The following RINT1 variants were observed in gnomAD, a reference collection of about 807,000 sequenced individuals.
The protein encoded by RINT1 is RAD50-interacting protein 1.
RINT1 carries 75 observed loss-of-function variants against 97.7 expected under a neutral mutation model. The ratio of observed to expected loss-of-function variants is 0.77; its 90% CI spans 0.64 to 0.93. The LOEUF (loss-of-function observed/expected upper bound fraction) is 0.93. Among genes scored for constraint, RINT1 ranks in the 40% least tolerant of loss-of-function variants. The pLI is 0.00. For synonymous variants in RINT1, 303 were observed against 326.3 expected, an observed-to-expected ratio of 0.93 and a Z score of 0.77; for missense variants, 892 against 925.2, an observed-to-expected ratio of 0.96 and a Z score of 0.47.
intron 2 of RINT1, among the ~76,000 whole-genome samples, chr7:105,536,357 C>T (rs1790232870): frequency 6.6e-6 from 1 of 152,040 alleles, no homozygotes; most frequent in Admixed American, 6.6e-5. Context: ...CGGGATTTCG[C>T]CGTGTTTGCC....
At chr7:105,536,798 A>G in intron 3 of RINT1, 49 bp downstream of exon 3, 3 of 1,112,388 alleles carry the variant, frequency 2.7e-6, no homozygotes, top group Non-Finnish European at 3.7e-6. Context: ...TACTTTTAAC[A>G]ATATAATATA....
Position 105,532,209 on chromosome 7 carries a change from C to T in RINT1, c.-107C>T. 1 of 1,246,248 alleles carries T rather than the reference C, an allele frequency of 8.0e-7. No homozygotes were observed. The allele number at this position is 1,246,248 out of a possible 1,614,324, so 77.2% of individuals were successfully genotyped here. Reference sequence around the variant, plus strand: ...ATCGAGAGGAAGTCGCTGTGGCACTCAGTCCTACGGCCTCCGAGGCTGGGT... The same window carrying T: ...ATCGAGAGGAAGTCGCTGTGGCACTTAGTCCTACGGCCTCCGAGGCTGGGT... On this transcript the variant is annotated 5_prime_UTR_variant, in exon 1 of 15. Coordinates refer to ENST00000257700, the MANE Select transcript of RINT1 (RefSeq NM_021930.6).
chr7:105,548,444 CTGAG>C (rs1271187083), intron 6 of RINT1, 106 bp from the exon 7 acceptor site: 2 of 898,868 alleles, frequency 2.2e-6, no homozygotes, highest in Non-Finnish European at 1.8e-6. Context: ...ATTAACTCTA[CTGAG>C]TATCTGATAC....
chr7:105,547,438 A>T, intron 6 of RINT1, 105 bp downstream of exon 6: 1 of 1,150,118 alleles, frequency 8.7e-7, no homozygotes, highest in South Asian at 1.4e-5. Context: ...GCCAAATAAG[A>T]ATCCTGTGTT....
chr7:105,540,082 T>TC (rs1790396188), intron 3 of RINT1, among the ~76,000 whole-genome samples: 1 of 149,690 alleles, frequency 6.7e-6, no homozygotes, highest in African/African-American at 2.4e-5. Flanking sequence ...CCATTTTCTT[T>TC]TTTTTTTTTT....
chr7:105,550,606 G>T, intron 9 of RINT1, 120 bp downstream of exon 9: 1 of 717,360 alleles, frequency 1.4e-6, no homozygotes, highest in East Asian at 2.6e-5. Flanking sequence ...TTCCTTTTCA[G>T]GGTTTTCTGT....
rs770399483 is a variant in RINT1, at chr7:105,532,247, G to A, written c.-69G>A. The A allele has an allele frequency of 1.3e-6, 2 of 1,511,314 alleles. No homozygotes were observed. Among genetic ancestry groups the A allele is most frequent in the African/African-American group, 1.4e-5 (1 of 72,586 alleles). 93.6% of individuals were successfully genotyped at this position (1,511,314 alleles called of 1,614,324 possible). ...TCCGAGGCTGGGTAGTGAGTGTGTC[G>A]CTGGCCTTAGCCAGACTCCACAGGC... On this transcript the variant is annotated 5_prime_UTR_variant, in exon 1 of 15. Coordinates refer to ENST00000257700, the MANE Select transcript of RINT1 (RefSeq NM_021930.6).
At chr7:105,563,359 T>C (rs1342436200) in intron 11 of RINT1, among the ~76,000 whole-genome samples, 4 of 152,134 alleles carry the variant, frequency 2.6e-5, no homozygotes, top group African/African-American at 7.2e-5. Context: ...ATCATTGAAT[T>C]ATACACTATT....
At chr7:105,563,641 A>G (rs1586266579) in intron 11 of RINT1, 92 bp from the exon 12 acceptor site, 1 of 1,104,070 alleles carries the variant, frequency 9.1e-7, no homozygotes, top group Non-Finnish European at 1.3e-6. Flanking sequence ...CGAATTATAC[A>G]CTTTAAATGG....
At chr7:105,543,035 C>T (rs1401199285) in intron 4 of RINT1, among the ~76,000 whole-genome samples, 1 of 151,946 alleles carries the variant, frequency 6.6e-6, no homozygotes, top group African/African-American at 2.4e-5. Context: ...CAGGCGCCCG[C>T]CACCATGCCT....
chr7:105,551,260 T>C (rs1374710516), intron 9 of RINT1, among the ~76,000 whole-genome samples: 1 of 152,124 alleles, frequency 6.6e-6, no homozygotes, highest in Non-Finnish European at 1.5e-5. Context: ...TGTGAACTCC[T>C]AGACTCAAGC....
At chr7:105,547,718 CTTTT>C (rs34938925) in intron 6 of RINT1, among the ~76,000 whole-genome samples, 8 of 116,178 alleles carry the variant, frequency 6.9e-5, no homozygotes, top group Non-Finnish European at 1.0e-4. Context: ...CATTTTTGTG[CTTTT>C]TTTTTTTTTT....
chr7:105,567,119 T>C lies in RINT1; in HGVS notation c.2187T>C (p.His729=), dbSNP rs928088575. ...YCKRPENYFK[H]IKEACIVLNL... is the part of the protein sequence containing the mutation. ...TCCCTCCTTTGTTTTCCCTAAACAG[T>C]ATAAAAGAAGCCTGTATTGTTTTGA... The change falls in exon 15 of 15, where the codon CAT becomes CAC. Residue 729 remains histidine (H), a splice_region_variant and synonymous_variant. Coordinates refer to ENST00000257700, the MANE Select transcript of RINT1 (RefSeq NM_021930.6). The C allele has an allele frequency of 4.0e-5, 62 of 1,550,674 alleles. 1 individual carries two copies. In the East Asian group the frequency reaches 1.4e-3, roughly 35 times the overall value.
At chr7:105,540,828 T>A (rs1790424217) in intron 3 of RINT1, among the ~76,000 whole-genome samples, 1 of 150,206 alleles carries the variant, frequency 6.7e-6, no homozygotes, top group Non-Finnish European at 1.5e-5. Context: ...TAGAATGAGA[T>A]CTTTGTTTCC....
chr7:105,534,503 A>C (rs994637501), intron 2 of RINT1, among the ~76,000 whole-genome samples: 2 of 151,652 alleles, frequency 1.3e-5, no homozygotes, highest in Admixed American at 1.3e-4. Flanking sequence ...TTAAGATTTA[A>C]AAAAGGCATT....
At chr7:105,558,131 A>T (rs1791265902) in intron 11 of RINT1, among the ~76,000 whole-genome samples, 1 of 152,026 alleles carries the variant, frequency 6.6e-6, no homozygotes, top group African/African-American at 2.4e-5. Context: ...CCTGGCCAAC[A>T]TGGTGAAACC....
chr7:105,567,342 T>C lies in RINT1; in HGVS notation c.*31T>C. On this transcript the variant is annotated 3_prime_UTR_variant, in exon 15 of 15. Coordinates refer to ENST00000257700, the MANE Select transcript of RINT1 (RefSeq NM_021930.6). ...TTCAGAAAAAGGTTTCTTTGGTTTTTGTTTCTAAGAAAGAGGAAGCCAATT... is the reference window on the plus strand; with the variant it reads ...TTCAGAAAAAGGTTTCTTTGGTTTTCGTTTCTAAGAAAGAGGAAGCCAATT... 1 of 1,497,230 alleles carries C rather than the reference T, an allele frequency of 6.7e-7. No individual in the cohort carries two copies. The highest frequency in any genetic ancestry group is 9.1e-7 in the Non-Finnish European group (1 of 1,094,178). 92.7% of individuals were successfully genotyped at this position (1,497,230 alleles called of 1,614,324 possible).
At chr7:105,533,658 G>A (rs576564598) in intron 2 of RINT1, among the ~76,000 whole-genome samples, 31 of 152,254 alleles carry the variant, frequency 2.0e-4, no homozygotes, top group Non-Finnish European at 3.4e-4. Context: ...TAACATTAGC[G>A]GCTGATAGAA....
At chr7:105,549,754 G>T (rs1397190294) in intron 7 of RINT1, among the ~76,000 whole-genome samples, 1 of 152,052 alleles carries the variant, frequency 6.6e-6, no homozygotes, top group Admixed American at 6.6e-5. Flanking sequence ...TCAGTTCTTT[G>T]TAATACTCAT....
Sources: allele counts gnomAD v4.1 joint callset (sites outside exome capture counted in the v4.1 genomes callset), GRCh38; gene constraint gnomAD v4.1.1; transcripts MANE v1.5; gene names NCBI Gene and HGNC (gene_info 2026-07-23, HGNC 2026-07-21).